RAB3IL1: variants seen among roughly 807,000 people sequenced by gnomAD.
RAB3IL1 encodes the protein guanine nucleotide exchange factor for Rab-3A.
Under a neutral mutation model 49.2 loss-of-function variants are expected in RAB3IL1, and 37 were observed. The observed-to-expected ratio is 0.75, with a 90% CI of 0.58 to 0.99. The LOEUF (loss-of-function observed/expected upper bound fraction) is 0.99, where lower values mean the gene tolerates loss of function less well. Among genes scored for constraint, RAB3IL1 ranks in the 50% least tolerant of loss-of-function variants. The probability of loss-of-function intolerance (pLI) is 0.00; values close to 1 mark genes in which losing one functional copy is unlikely to be tolerated. For synonymous variants in RAB3IL1, 193 were observed against 213.9 expected (o/e 0.90, Z 0.85); for missense variants, 484 against 513.0 (o/e 0.94, Z 0.55).
chr11:61,930,373 A>G, the RAB3IL1 span, among the ~76,000 whole-genome samples: 1 of 152,216 alleles, frequency 6.6e-6, no homozygotes, highest in Non-Finnish European at 1.5e-5. Context: ...ATACTTAAAA[A>G]TGTTCAAAAT....
the RAB3IL1 span, among the ~76,000 whole-genome samples, chr11:61,935,930 T>A: frequency 6.7e-6 from 1 of 149,796 alleles, no homozygotes; most frequent in African/African-American, 2.5e-5. Context: ...ATAGAAATCC[T>A]GGAGTTTTAG....
upstream of RAB3IL1, among the ~76,000 whole-genome samples, chr11:61,921,284 C>A (rs534250122): frequency 6.6e-6 from 1 of 152,198 alleles, no homozygotes; most frequent in South Asian, 2.1e-4. Context: ...CGGGGTCAGA[C>A]GGGCTGGATT....
chr11:61,907,880 C>G (rs937661207), intron 2 of RAB3IL1, among the ~76,000 whole-genome samples, 174 bp downstream of exon 2: 1 of 152,212 alleles, frequency 6.6e-6, no homozygotes, highest in African/African-American at 2.4e-5. Context: ...GGCACGTTTG[C>G]AGTCAAGACG....
chr11:61,924,848 G>C (rs1939970119), upstream of RAB3IL1, among the ~76,000 whole-genome samples: 1 of 152,190 alleles, frequency 6.6e-6, no homozygotes, highest in African/African-American at 2.4e-5. Context: ...TGGGGCCTGA[G>C]CTGAATTCCT....
At position 61,907,587 on chromosome 11, in the gene RAB3IL1, T is replaced by A; in HGVS notation, c.338A>T (p.Glu113Val). ...TACCTCAAACAGGCTGGCCGTCAGC[T>A]CTTCCAGCTCCTGTTCTAGCTGCTC... ...VREQLEQELE[E>V]LTASLFEEAH... Residue 113 changes from glutamate to valine, a missense_variant, in exon 3 of 10, where the codon GAG becomes GTG. Physicochemically the swap from Glu to Val is moderately radical, Grantham distance 121. Transcript: ENST00000394836. 1 of 1,614,078 alleles carries A rather than the reference T, an allele frequency of 6.2e-7. No homozygotes were observed. Among genetic ancestry groups the A allele is most frequent in the Non-Finnish European group, 8.5e-7 (1 of 1,180,014 alleles).
chr11:61,931,281 CA>C, the RAB3IL1 span, among the ~76,000 whole-genome samples: 3 of 152,288 alleles, frequency 2.0e-5, no homozygotes, highest in East Asian at 5.8e-4. Flanking sequence ...TGATTATATA[CA>C]CACTGAAATC....
intron 1 of RAB3IL1, among the ~76,000 whole-genome samples, chr11:61,915,163 AT>A (rs1939622238): frequency 6.6e-6 from 1 of 152,124 alleles, no homozygotes; most frequent in Admixed American, 6.5e-5. Flanking sequence ...TGAAGCACCC[AT>A]TATGATATGA....
chr11:61,913,396 C>T (rs530540953), intron 1 of RAB3IL1, among the ~76,000 whole-genome samples: 1 of 152,248 alleles, frequency 6.6e-6, no homozygotes, highest in East Asian at 1.9e-4. Context: ...GGCACAACAG[C>T]ATGTCCTAGT....
At chr11:61,939,639 A>AG in the RAB3IL1 span, among the ~76,000 whole-genome samples, 1 of 152,082 alleles carries the variant, frequency 6.6e-6, no homozygotes, top group Admixed American at 6.6e-5. Context: ...CAAAAAAAAA[A>AG]AAAGAAGACT....
upstream of RAB3IL1, among the ~76,000 whole-genome samples, chr11:61,919,359 A>G (rs149304062): frequency 1.3e-5 from 2 of 152,344 alleles, no homozygotes; most frequent in East Asian, 3.9e-4. Context: ...AACCAAAAAT[A>G]GCCTGTCATC....
At chr11:61,914,716 G>A (rs1939603929) in intron 1 of RAB3IL1, among the ~76,000 whole-genome samples, 1 of 152,086 alleles carries the variant, frequency 6.6e-6, no homozygotes, top group Non-Finnish European at 1.5e-5. Context: ...CCCAGGGCTG[G>A]AGCCATGACC....
chr11:61,904,498 G>A (rs1162247085), intron 7 of RAB3IL1, 48 bp downstream of exon 7: 3 of 1,524,310 alleles, frequency 2.0e-6, no homozygotes, highest in Non-Finnish European at 2.7e-6. Context: ...ACACGGCTTG[G>A]CGGGGCTTTC....
intron 7 of RAB3IL1, among the ~76,000 whole-genome samples, chr11:61,902,994 T>C (rs1938996184): frequency 2.0e-5 from 3 of 151,954 alleles, no homozygotes; most frequent in Non-Finnish European, 2.9e-5. Flanking sequence ...CTAACCCCCA[T>C]GGTTCTCAGC....
chr11:61,924,871 T>C (rs1048890449), upstream of RAB3IL1, among the ~76,000 whole-genome samples: 4 of 152,216 alleles, frequency 2.6e-5, no homozygotes, highest in Non-Finnish European at 5.9e-5. Flanking sequence ...AGATGAAACC[T>C]GTTCACCCGC....
chr11:61,924,264 A>G (rs368897217), upstream of RAB3IL1, among the ~76,000 whole-genome samples: 1 of 152,264 alleles, frequency 6.6e-6, no homozygotes, highest in Non-Finnish European at 1.5e-5. Flanking sequence ...CTGTCCAGGA[A>G]GTTCCCATCC....
the RAB3IL1 span, among the ~76,000 whole-genome samples, chr11:61,933,162 C>A: frequency 6.6e-6 from 1 of 152,142 alleles, no homozygotes; most frequent in Non-Finnish European, 1.5e-5. Flanking sequence ...GAATCCTAAT[C>A]TTTGAAAACT....
chr11:61,904,953 C>A, intron 5 of RAB3IL1, 71 bp from the exon 6 acceptor site: 1 of 1,212,538 alleles, frequency 8.2e-7, no homozygotes, highest in South Asian at 1.5e-5. Context: ...GCAGGCTGAG[C>A]TGAAGGGGAG....
In RAB3IL1 at chr11:61,898,328, G is replaced by C. The variant is rs139969835; in HGVS notation, c.1099C>G (p.Arg367Gly). The C allele has an allele frequency of 6.2e-7, 1 of 1,613,540 alleles. No individual in the cohort carries two copies. The highest frequency in any genetic ancestry group is 8.5e-7 in the Non-Finnish European group (1 of 1,179,984). Reference protein sequence around the residue: ...EPMFWEIMRLRKEMSLAKLGF... With the variant: ...EPMFWEIMRLGKEMSLAKLGF... ...AGCTTGGCCAGTGACATCTCCTTCC[G>C]CAACCTCATGATCTCCCAGAACATG... Residue 367 changes from arginine to glycine, a missense_variant, in exon 10 of 10, where the codon CGG becomes GGG. Arg to Gly is a moderately radical substitution (Grantham distance 125). Coordinates refer to ENST00000394836, the MANE Select transcript of RAB3IL1 (RefSeq NM_013401.4). The surrounding 1 kb of genome is among the most constrained non-coding windows in gnomAD (Gnocchi z 5.1).
At chr11:61,913,780 C>T (rs533932043) in intron 1 of RAB3IL1, among the ~76,000 whole-genome samples, 90 of 152,332 alleles carry the variant, frequency 5.9e-4, no homozygotes, top group Non-Finnish European at 1.1e-3. Flanking sequence ...CCAATCTGCA[C>T]GACCAGGCAG....
Sources: allele counts gnomAD v4.1 joint callset (sites outside exome capture counted in the v4.1 genomes callset), GRCh38; gene constraint gnomAD v4.1.1; non-coding constraint Gnocchi (gnomAD v3.1); transcripts MANE v1.5; gene names NCBI Gene and HGNC (gene_info 2026-07-23, HGNC 2026-07-21).